The following FER variants were observed in gnomAD, a reference collection of about 807,000 sequenced individuals.
FER encodes tyrosine-protein kinase Fer.
FER carries 63 observed loss-of-function variants against 111.0 expected under a neutral mutation model. The ratio of observed to expected loss-of-function variants is 0.57; its 90% CI spans 0.46 to 0.70. The LOEUF is 0.70. FER is among the 30% of genes least tolerant of loss of function. FER has a pLI of 0.00. For synonymous variants in FER, 327 were observed against 313.9 expected, an observed-to-expected ratio of 1.04 and a Z score of -0.44; for missense variants, 914 against 954.0, an observed-to-expected ratio of 0.96 and a Z score of 0.55.
At chr5:108,832,128 A>G (rs1760109230) in intron 3 of FER, among the ~76,000 whole-genome samples, 1 of 152,204 alleles carries the variant, frequency 6.6e-6, no homozygotes, top group Admixed American at 6.5e-5. Flanking sequence ...TGCTGGAAGA[A>G]CTATTGAGAT....
intron 10 of FER, among the ~76,000 whole-genome samples, chr5:108,942,728 C>T (rs549052832): frequency 1.3e-5 from 2 of 152,150 alleles, no homozygotes; most frequent in South Asian, 4.2e-4. Flanking sequence ...CTGATATTTA[C>T]AGTATTTCAT....
intron 13 of FER, among the ~76,000 whole-genome samples, chr5:109,023,337 G>A (rs1276473437): frequency 6.6e-6 from 1 of 152,062 alleles, no homozygotes; most frequent in African/African-American, 2.4e-5. Context: ...AGTTTTTTAG[G>A]GAGATAGGAA....
At chr5:109,141,124 A>G (rs1442271517) in intron 17 of FER, among the ~76,000 whole-genome samples, 1 of 152,156 alleles carries the variant, frequency 6.6e-6, no homozygotes, top group Admixed American at 6.6e-5. Flanking sequence ...GGCCCCTCTT[A>G]CCTTGTATAC....
At chr5:108,993,586 A>AGGGC (rs1561736742) in intron 13 of FER, among the ~76,000 whole-genome samples, 2 of 134,302 alleles carry the variant, frequency 1.5e-5, no homozygotes, top group East Asian at 4.2e-4. Flanking sequence ...AGGGAGAGGG[A>AGGGC]GAGGGAGAGG....
At chr5:108,803,510 A>C (rs1756892396) in intron 3 of FER, among the ~76,000 whole-genome samples, 1 of 152,188 alleles carries the variant, frequency 6.6e-6, no homozygotes, top group African/African-American at 2.4e-5. Flanking sequence ...ATTTTTGTAC[A>C]TGGTGAAAGG....
At chr5:109,090,140 G>C (rs1361744071) in intron 16 of FER, among the ~76,000 whole-genome samples, 2 of 152,200 alleles carry the variant, frequency 1.3e-5, no homozygotes, top group Non-Finnish European at 2.9e-5. Flanking sequence ...TGGGGGCACT[G>C]AGAACCAAGG....
chr5:109,028,720 G>A lies in FER; in HGVS notation c.1657-8702G>A, dbSNP rs143670138. 2.6e-3 allele frequency among the ~76,000 whole-genome samples: 402 copies of A among 152,318 alleles called. 1 individual carries two copies. The highest frequency in any genetic ancestry group is 9.1e-3 in the African/African-American group (379 of 41,564). On this transcript the variant is annotated intron_variant, in intron 13 of 19. Transcript: ENST00000281092. Reference sequence around the variant, plus strand: ...CTAGGATTTATTGTCGCAAAAGACTGACTCATGTAGGAACAGCAAAAGCTA... The same window carrying A: ...CTAGGATTTATTGTCGCAAAAGACTAACTCATGTAGGAACAGCAAAAGCTA...
intron 17 of FER, among the ~76,000 whole-genome samples, chr5:109,155,562 A>G (rs1755276124): frequency 6.6e-6 from 1 of 151,970 alleles, no homozygotes; most frequent in Non-Finnish European, 1.5e-5. Flanking sequence ...CCTGCAAGTG[A>G]GATCACTAAA....
chr5:109,185,567 A>C (rs1272441912), intron 18 of FER, among the ~76,000 whole-genome samples: 3 of 152,200 alleles, frequency 2.0e-5, no homozygotes, highest in Non-Finnish European at 4.4e-5. Flanking sequence ...TTTTAATATA[A>C]GCCATCTATC....
intron 13 of FER, among the ~76,000 whole-genome samples, chr5:109,009,519 C>T (rs1291756527): frequency 6.6e-6 from 1 of 152,156 alleles, no homozygotes; most frequent in East Asian, 1.9e-4. Context: ...TAGCATTAAT[C>T]ATCTCTTCTC....
intron 13 of FER, among the ~76,000 whole-genome samples, chr5:109,031,335 G>T (rs1769579326): frequency 6.6e-6 from 1 of 151,944 alleles, no homozygotes; most frequent in South Asian, 2.1e-4. Flanking sequence ...CTTGAATTAT[G>T]TCCAGGGTTT....
intron 3 of FER, among the ~76,000 whole-genome samples, chr5:108,821,828 T>C (rs1224294958): frequency 6.6e-6 from 1 of 152,138 alleles, no homozygotes; most frequent in Non-Finnish European, 1.5e-5. Flanking sequence ...ATCTGTCACC[T>C]CACATAGTTA....
intron 14 of FER, among the ~76,000 whole-genome samples, chr5:109,040,375 C>T (rs917425563): frequency 6.6e-6 from 1 of 152,020 alleles, no homozygotes; most frequent in African/African-American, 2.4e-5. Flanking sequence ...AAGCAATCCC[C>T]AAAGAAGGTT....
chr5:109,034,650 T>C (rs1340254595), intron 13 of FER, among the ~76,000 whole-genome samples: 3 of 152,080 alleles, frequency 2.0e-5, no homozygotes, highest in Non-Finnish European at 4.4e-5. Flanking sequence ...TAAATGGATG[T>C]TTAGGGGTTT....
intron 16 of FER, among the ~76,000 whole-genome samples, chr5:109,095,016 C>G (rs35657076): frequency 1.4e-3 from 220 of 152,188 alleles, no homozygotes; most frequent in Admixed American, 5.6e-3. Context: ...GAAATGTACT[C>G]TTTTATTTTA....
At chr5:108,772,592 G>C (rs1561395379) in intron 2 of FER, among the ~76,000 whole-genome samples, 1 of 152,012 alleles carries the variant, frequency 6.6e-6, no homozygotes, top group Non-Finnish European at 1.5e-5. Context: ...CCCTGAGATA[G>C]CTGGAGATAA....
intron 16 of FER, among the ~76,000 whole-genome samples, chr5:109,053,572 C>G (rs1162550096): frequency 1.7e-5 from 2 of 114,732 alleles, no homozygotes; most frequent in Non-Finnish European, 3.9e-5. Context: ...TCTCAGAACT[C>G]TTAAAAATAG....
At chr5:109,112,237 A>G (rs974208133) in intron 17 of FER, among the ~76,000 whole-genome samples, 1 of 152,166 alleles carries the variant, frequency 6.6e-6, no homozygotes, top group African/African-American at 2.4e-5. Context: ...ATTATTATCC[A>G]GTTGTAGATG....
At chr5:108,906,444 T>C (rs1033657625) in intron 10 of FER, among the ~76,000 whole-genome samples, 1 of 152,180 alleles carries the variant, frequency 6.6e-6, no homozygotes, top group African/African-American at 2.4e-5. Context: ...CACAATAGAT[T>C]GGAAAACATT....
Sources: gnomAD v4.1 joint callset for allele counts (sites outside exome capture counted in the v4.1 genomes callset) on GRCh38, gnomAD v4.1.1 for gene constraint, MANE v1.5 for transcripts, NCBI Gene and HGNC (gene_info 2026-07-23, HGNC 2026-07-21) for gene names.